ZDHHC5: variants seen among roughly 807,000 people sequenced by gnomAD.
ZDHHC5 encodes palmitoyltransferase ZDHHC5.
In ZDHHC5, 22 loss-of-function variants were observed where a neutral mutation model predicts 70.0. The ratio of observed to expected loss-of-function variants is 0.31; its 90% CI spans 0.22 to 0.45. The LOEUF (loss-of-function observed/expected upper bound fraction) is 0.45. Ranked by LOEUF, ZDHHC5 falls within the 20% of genes least tolerant of loss-of-function variation. ZDHHC5 has a pLI of 1.00. For synonymous variants in ZDHHC5, 313 were observed against 347.8 expected, an observed-to-expected ratio of 0.90 and a Z score of 1.11; for missense variants, 746 against 926.9, an observed-to-expected ratio of 0.80 and a Z score of 2.53.
chr11:57,694,768 G>A (rs12270971), intron 8 of ZDHHC5, among the ~76,000 whole-genome samples: 1 of 152,206 alleles, frequency 6.6e-6, no homozygotes, highest in South Asian at 2.1e-4. Flanking sequence ...TAAACAAGTA[G>A]TTGTTGGTTT....
At chr11:57,681,593 C>T (rs921387856) in intron 2 of ZDHHC5, 1 of 152,194 alleles carries the variant, frequency 6.6e-6, no homozygotes, top group Non-Finnish European at 1.5e-5. Context: ...TACGTAGATT[C>T]AAATCCTGAA....
chr11:57,696,080 G>C, intron 9 of ZDHHC5, 37 bp downstream of exon 9: 20 of 1,591,834 alleles, frequency 1.3e-5, no homozygotes, highest in Non-Finnish European at 1.7e-5. Context: ...ACTAGAACTA[G>C]GGGCAGGATT....
At chr11:57,679,405 A>G (rs543329581) in intron 2 of ZDHHC5, among the ~76,000 whole-genome samples, 1 of 152,202 alleles carries the variant, frequency 6.6e-6, no homozygotes, top group Admixed American at 6.5e-5. Flanking sequence ...CAGGTGATCC[A>G]CTTACCTTGG....
At chr11:57,685,920 G>A (rs959309992) in intron 3 of ZDHHC5, among the ~76,000 whole-genome samples, 6 of 152,224 alleles carry the variant, frequency 3.9e-5, no homozygotes, top group Non-Finnish European at 5.9e-5. Flanking sequence ...CCAGCTACTC[G>A]GGAGGCTGAG....
chr11:57,685,240 G>A (rs1946194863), intron 3 of ZDHHC5, among the ~76,000 whole-genome samples: 1 of 152,210 alleles, frequency 6.6e-6, no homozygotes, highest in Non-Finnish European at 1.5e-5. Context: ...TGAGGGAAAA[G>A]AACTTTGTGT....
rs1182734956 is a variant in ZDHHC5 at position 57,700,353 on chromosome 11, T to A, written c.*322T>A. The A allele has an allele frequency of 5.6e-6, 1 of 177,292 alleles. No individual in the cohort carries two copies. The highest frequency in any genetic ancestry group is 2.4e-5 in the African/African-American group (1 of 42,082). The allele number at this position is 177,292 out of a possible 1,614,324, so 11.0% of individuals were successfully genotyped here. Reference sequence around the variant, plus strand: ...TTTTTAAACCAGAAATAATTTTTTTTATTATTGTTACGGATTCTATTTTTT... The same window carrying A: ...TTTTTAAACCAGAAATAATTTTTTTAATTATTGTTACGGATTCTATTTTTT... On this transcript the variant is annotated 3_prime_UTR_variant, in exon 12 of 12. Coordinates refer to ENST00000287169, the MANE Select transcript of ZDHHC5 (RefSeq NM_015457.3).
intron 1 of ZDHHC5, among the ~76,000 whole-genome samples, chr11:57,668,760 A>G (rs1475175642): frequency 6.6e-6 from 1 of 152,180 alleles, no homozygotes; most frequent in Non-Finnish European, 1.5e-5. Context: ...TCCTACCGCC[A>G]CCAGCCGAGT....
chr11:57,681,921 G>A (rs902153572), intron 2 of ZDHHC5, among the ~76,000 whole-genome samples: 3 of 152,196 alleles, frequency 2.0e-5, no homozygotes, highest in Admixed American at 2.0e-4. Context: ...AGATACTTTA[G>A]GCACTTATGT....
At chr11:57,684,819 C>T (rs1034536765) in intron 3 of ZDHHC5, among the ~76,000 whole-genome samples, 4 of 152,112 alleles carry the variant, frequency 2.6e-5, no homozygotes, top group South Asian at 2.1e-4. Context: ...CAAGTAGTTT[C>T]GGGCTGGCAA....
In ZDHHC5 at chr11:57,698,870, CAG is replaced by C; in HGVS notation, c.1435_1436del (p.Ser479ProfsTer2). 1 of 1,614,234 alleles carries C rather than the reference CAG, an allele frequency of 6.2e-7. No homozygotes were observed. Among genetic ancestry groups the C allele is most frequent in the Non-Finnish European group, 8.5e-7 (1 of 1,180,038 alleles). Reference sequence around the variant, plus strand: ...ATGACAGCTTGCTCACACCTTCAGACAGCCCTGATTTTGAGTCAGTGCAGGCA... The same window carrying C: ...ATGACAGCTTGCTCACACCTTCAGACCCCTGATTTTGAGTCAGTGCAGGCA... ...SYDSLLTPSDSPDFESVQAGP... is the reference protein window; with the variant it reads ...SYDSLLTPSDXPDFESVQAGP... On this transcript the variant is annotated frameshift_variant, in exon 11 of 12. Transcript: ENST00000287169. LOFTEE classifies it high-confidence loss of function.
chr11:57,696,732 T>C (rs776647151), intron 9 of ZDHHC5, 29 bp from the exon 10 acceptor site: 1 of 1,603,206 alleles, frequency 6.2e-7, no homozygotes, highest in Non-Finnish European at 8.5e-7. Flanking sequence ...GCTTGTAAAA[T>C]AGTGCCCCCT....
Position 57,688,675 on chromosome 11 carries a change from C to G in ZDHHC5, c.384+10C>G, listed in dbSNP as rs1442893887. The G allele has an allele frequency of 4.4e-6, 7 of 1,584,354 alleles. No individual in the cohort carries two copies. Among genetic ancestry groups the G allele is most frequent in the Non-Finnish European group, 6.0e-6 (7 of 1,164,304 alleles). On this transcript the variant is annotated intron_variant, in intron 4 of 11. Transcript: ENST00000287169. ...TGACAACTGTGTGGAGGTAAGCACC[C>G]TGGGTGGGGTAAGACTTCATGCTTA... is the stretch of plus-strand genomic sequence containing the variant.
At chr11:57,676,284 C>T (rs1273433027) in intron 2 of ZDHHC5, among the ~76,000 whole-genome samples, 1 of 152,186 alleles carries the variant, frequency 6.6e-6, no homozygotes, top group African/African-American at 2.4e-5. Context: ...CCCTCTCATT[C>T]CCTGAATTTG....
chr11:57,676,954 C>T (rs919053090), intron 2 of ZDHHC5, among the ~76,000 whole-genome samples: 3 of 101,874 alleles, frequency 2.9e-5, no homozygotes, highest in African/African-American at 1.2e-4. Flanking sequence ...TGGAGTCTTA[C>T]TCTGTCGCCC....
chr11:57,695,910 A>C lies in ZDHHC5; in HGVS notation c.886-10A>C. 1 of 1,609,260 alleles carries C rather than the reference A, an allele frequency of 6.2e-7. No individual in the cohort carries two copies. Among genetic ancestry groups the C allele is most frequent in the Non-Finnish European group, 8.5e-7 (1 of 1,178,772 alleles). On this transcript the variant is annotated splice_polypyrimidine_tract_variant and intron_variant, in intron 8 of 11. Coordinates refer to ENST00000287169, the MANE Select transcript of ZDHHC5 (RefSeq NM_015457.3). ...TCTAAATCTGATTTTCCCTCCCTTC[A>C]TCAATCCAGTCTAAGGGAAGCCTGG...
chr11:57,670,945 G>A (rs929441550), intron 1 of ZDHHC5, among the ~76,000 whole-genome samples: 4 of 151,888 alleles, frequency 2.6e-5, no homozygotes, highest in African/African-American at 9.7e-5. Context: ...TGAGTAGCTG[G>A]GACTACAGGC....
intron 4 of ZDHHC5, among the ~76,000 whole-genome samples, chr11:57,689,425 T>C (rs1946252108): frequency 1.3e-5 from 2 of 151,932 alleles, no homozygotes; most frequent in Non-Finnish European, 2.9e-5. Context: ...TTGCCCAGGC[T>C]GGAGTGCAAT....
intron 8 of ZDHHC5, among the ~76,000 whole-genome samples, chr11:57,694,751 T>G (rs1243553226): frequency 6.6e-6 from 1 of 152,218 alleles, no homozygotes; most frequent in Non-Finnish European, 1.5e-5. Flanking sequence ...AGCTAGATGG[T>G]AGGAGCTAAA....
intron 1 of ZDHHC5, among the ~76,000 whole-genome samples, chr11:57,670,959 C>T (rs571997682): frequency 8.6e-5 from 13 of 151,984 alleles, no homozygotes; most frequent in African/African-American, 2.2e-4. Context: ...TACAGGCGCC[C>T]GCCCGGCTAA....
Sources: gnomAD v4.1 joint callset for allele counts (sites outside exome capture counted in the v4.1 genomes callset) on GRCh38, gnomAD v4.1.1 for gene constraint, MANE v1.5 for transcripts, NCBI Gene and HGNC (gene_info 2026-07-23, HGNC 2026-07-21) for gene names.